Variants in ESRRG observed in about 807,000 individuals in gnomAD.
ESRRG encodes the protein estrogen-related receptor gamma.
A neutral mutation model predicts 44.0 loss-of-function variants in ESRRG; 13 were observed. That is an observed-to-expected ratio of 0.30 (90% CI 0.19 to 0.47). The LOEUF is 0.47. ESRRG is among the 20% of genes least tolerant of loss of function. The probability of loss-of-function intolerance (pLI) is 1.00; values close to 1 mark genes in which losing one functional copy is unlikely to be tolerated. For missense variants in ESRRG, 395 were observed against 580.6 expected (o/e 0.68, Z 3.29); for synonymous variants, 215 against 214.6 (o/e 1.00, Z -0.02).
chr1:216,596,094 T>C (rs2058388811), intron 3 of ESRRG, among the ~76,000 whole-genome samples: 1 of 152,172 alleles, frequency 6.6e-6, no homozygotes, highest in South Asian at 2.1e-4. Flanking sequence ...GTCAACTGGC[T>C]CACTGAGAAA....
intron 1 of ESRRG, among the ~76,000 whole-genome samples, chr1:216,946,516 C>A (rs1212078035): frequency 1.3e-5 from 2 of 152,164 alleles, no homozygotes; most frequent in East Asian, 3.9e-4. Context: ...GCAAATCAAA[C>A]TGATCATTAC....
intron 3 of ESRRG, among the ~76,000 whole-genome samples, chr1:216,580,435 A>G (rs2062541895): frequency 6.6e-6 from 1 of 152,182 alleles, no homozygotes; most frequent in Admixed American, 6.5e-5. Context: ...ACTCAGTTTT[A>G]TTTTTTAACT....
intron 2 of ESRRG, among the ~76,000 whole-genome samples, chr1:216,749,797 C>T (rs970914504): frequency 6.6e-6 from 1 of 152,062 alleles, no homozygotes; most frequent in Admixed American, 6.6e-5. Flanking sequence ...ATTTTTCTAC[C>T]TAAGTTAGTC....
At chr1:216,806,813 A>G (rs1224265292) in intron 2 of ESRRG, among the ~76,000 whole-genome samples, 1 of 152,202 alleles carries the variant, frequency 6.6e-6, no homozygotes, top group African/African-American at 2.4e-5. Context: ...TGCCCTGGGA[A>G]TTACATTCAG....
intron 2 of ESRRG, among the ~76,000 whole-genome samples, chr1:216,813,582 T>C (rs1483067826): frequency 6.6e-6 from 1 of 152,172 alleles, no homozygotes; most frequent in East Asian, 1.9e-4. Flanking sequence ...AAATTAAGAT[T>C]CAATTCTTCG....
intron 2 of ESRRG, among the ~76,000 whole-genome samples, chr1:216,866,834 T>A (rs963099114): frequency 6.6e-6 from 1 of 152,126 alleles, no homozygotes; most frequent in Non-Finnish European, 1.5e-5. Context: ...ATGGTTAGAT[T>A]TTCTTTCATT....
chr1:216,636,433 T>G (rs2065313340), intron 3 of ESRRG, among the ~76,000 whole-genome samples: 1 of 152,214 alleles, frequency 6.6e-6, no homozygotes, highest in Non-Finnish European at 1.5e-5. Flanking sequence ...TAGCACTTCG[T>G]GTTAGATACT....
At chr1:216,688,895 G>A (rs1333182642) in intron 1 of ESRRG, among the ~76,000 whole-genome samples, 1 of 152,148 alleles carries the variant, frequency 6.6e-6, no homozygotes, top group Non-Finnish European at 1.5e-5. Flanking sequence ...CAGAAAGAGT[G>A]GAGAAGGGTT....
intron 2 of ESRRG, among the ~76,000 whole-genome samples, chr1:216,671,551 A>G (rs186572714): frequency 1.4e-4 from 22 of 152,320 alleles, no homozygotes; most frequent in African/African-American, 4.8e-4. Flanking sequence ...TACATTTACT[A>G]TGGGTCAAGT....
At chr1:216,660,684 G>A (rs2151215829) in intron 2 of ESRRG, among the ~76,000 whole-genome samples, 1 of 152,336 alleles carries the variant, frequency 6.6e-6, no homozygotes, top group Non-Finnish European at 1.5e-5. Flanking sequence ...GCCTGACATA[G>A]GAGCCTGAGA....
intron 1 of ESRRG, among the ~76,000 whole-genome samples, chr1:217,021,191 C>A (rs11117752): frequency 0.22 from 33,145 of 152,050 alleles, 4,200 homozygotes; most frequent in Middle Eastern, 0.4. Context: ...CGTTCACAGA[C>A]AACACTCCGG....
intron 5 of ESRRG, among the ~76,000 whole-genome samples, chr1:216,539,219 T>C (rs1453529268): frequency 6.6e-6 from 1 of 151,934 alleles, no homozygotes; most frequent in Non-Finnish European, 1.5e-5. Context: ...TATACCAATA[T>C]ATACCAATCC....
intron 3 of ESRRG, among the ~76,000 whole-genome samples, chr1:216,605,470 G>C (rs1265919899): frequency 6.6e-6 from 1 of 152,164 alleles, no homozygotes. Flanking sequence ...AAGGGTATGA[G>C]AATGTCTCTC....
chr1:216,977,465 T>G (rs1209985348), intron 1 of ESRRG, among the ~76,000 whole-genome samples: 1 of 152,098 alleles, frequency 6.6e-6, no homozygotes, highest in Admixed American at 6.6e-5. Context: ...TACTTAATAT[T>G]TGTAGTGGAC....
At chr1:216,848,941 A>AT (rs2095801316) in intron 2 of ESRRG, among the ~76,000 whole-genome samples, 1 of 152,010 alleles carries the variant, frequency 6.6e-6, no homozygotes, top group South Asian at 2.1e-4. Context: ...AATATCTTGT[A>AT]TTTTTTCCTC....
At chr1:216,918,442 T>G (rs1232888464) in intron 2 of ESRRG, among the ~76,000 whole-genome samples, 1 of 152,188 alleles carries the variant, frequency 6.6e-6, no homozygotes, top group Non-Finnish European at 1.5e-5. Context: ...TACCTATTTT[T>G]AAGGCTGAAA....
chr1:216,962,868 T>G (rs966505056), intron 1 of ESRRG, among the ~76,000 whole-genome samples: 4 of 152,154 alleles, frequency 2.6e-5, no homozygotes, highest in African/African-American at 7.2e-5. Context: ...ACAATTAATA[T>G]GACAAGACGG....
At chr1:216,920,457 T>A (rs903584064) in intron 2 of ESRRG, among the ~76,000 whole-genome samples, 5 of 151,868 alleles carry the variant, frequency 3.3e-5, no homozygotes, top group Non-Finnish European at 4.4e-5. Flanking sequence ...TGTGCCTGCA[T>A]TTGCTGGCCA....
chr1:216,808,982 A>G (rs2148433465), intron 2 of ESRRG, among the ~76,000 whole-genome samples: 1 of 152,252 alleles, frequency 6.6e-6, no homozygotes, highest in Non-Finnish European at 1.5e-5. Flanking sequence ...GAAAGGAGGG[A>G]GAGAAGAAAC....
Sources: allele counts gnomAD v4.1 joint callset (sites outside exome capture counted in the v4.1 genomes callset), GRCh38; gene constraint gnomAD v4.1.1; transcripts MANE v1.5; gene names NCBI Gene and HGNC (gene_info 2026-07-23, HGNC 2026-07-21).